The following POLK variants were observed in gnomAD, a reference collection of about 807,000 sequenced individuals.
POLK encodes the protein polymerase (DNA directed) kappa.
POLK carries 76 observed loss-of-function variants against 94.0 expected under a neutral mutation model. The ratio of observed to expected loss-of-function variants is 0.81; its 90% confidence interval spans 0.67 to 0.98. The LOEUF is 0.98. Among genes scored for constraint, POLK ranks in the 50% least tolerant of loss-of-function variants. The probability of loss-of-function intolerance (pLI) is 0.00; values close to 1 mark genes in which losing one functional copy is unlikely to be tolerated. For missense variants in POLK, 954 were observed against 1,010.1 expected, an observed-to-expected ratio of 0.94 and a Z score of 0.75; for synonymous variants, 349 against 325.4, an observed-to-expected ratio of 1.07 and a Z score of -0.78.
intron 10 of POLK, among the ~76,000 whole-genome samples, chr5:75,588,949 C>T (rs1772610212): frequency 6.6e-6 from 1 of 152,190 alleles, no homozygotes; most frequent in South Asian, 2.1e-4. Flanking sequence ...ATACTAGGTT[C>T]ACAGATTCCA....
intron 3 of POLK, among the ~76,000 whole-genome samples, chr5:75,555,762 T>C (rs1005422484): frequency 6.6e-6 from 1 of 152,194 alleles, no homozygotes. Flanking sequence ...TTGGCCAATC[T>C]GGTCTGAAAC....
chr5:75,549,940 A>G (rs1452339492), intron 2 of POLK, among the ~76,000 whole-genome samples: 1 of 152,194 alleles, frequency 6.6e-6, no homozygotes, highest in African/African-American at 2.4e-5. Flanking sequence ...AAGAAGATAC[A>G]GAGAATCTAA....
intron 1 of POLK, among the ~76,000 whole-genome samples, chr5:75,524,572 C>G (rs1400820906): frequency 6.6e-6 from 1 of 151,908 alleles, no homozygotes. Context: ...ACTTCTACTT[C>G]CAGTATGGAG....
At chr5:75,549,197 A>G (rs1017988318) in intron 2 of POLK, among the ~76,000 whole-genome samples, 7 of 152,182 alleles carry the variant, frequency 4.6e-5, no homozygotes, top group African/African-American at 1.7e-4. Context: ...AATAAAACCT[A>G]TGAATCTAGT....
chr5:75,522,615 ATTTCT>A (rs983300598), intron 1 of POLK, among the ~76,000 whole-genome samples: 1 of 152,262 alleles, frequency 6.6e-6, no homozygotes, highest in East Asian at 1.9e-4. Context: ...TATAAAAATG[ATTTCT>A]TTTCCTACTG....
exon 15 of POLK, chr5:75,598,100 T>C (rs578151741): frequency 1.7e-6 from 1 of 602,188 alleles, no homozygotes; most frequent in South Asian, 3.2e-5. Context: ...ATTTTAAGTT[T>C]GCAGATTTAT....
rs1189675461 is a variant in POLK at position 75,547,018 on chromosome 5, A to G, written c.-5A>G. 3 of 1,478,214 alleles carry G rather than the reference A, an allele frequency of 2.0e-6. No individual in the cohort carries two copies. In the South Asian group the frequency reaches 4.1e-5, roughly 20 times the overall value. The allele number at this position is 1,478,214 out of a possible 1,614,324, so 91.6% of individuals were successfully genotyped here. The stretch of plus-strand genomic sequence containing the variant: ...TCTTTATGCTTTTTCAGATAAGTTT[A>G]TACCATGGATAGCACAAAGGAGAAG... On this transcript the variant is annotated 5_prime_UTR_variant, in exon 2 of 15. Coordinates refer to ENST00000241436, the Ensembl canonical transcript of POLK.
intron 1 of POLK, among the ~76,000 whole-genome samples, chr5:75,523,870 C>T (rs1768702569): frequency 6.6e-6 from 1 of 152,130 alleles, no homozygotes; most frequent in African/African-American, 2.4e-5. Context: ...TGGCTTACAC[C>T]TGTAATCCCA....
chr5:75,551,401 C>G (rs547652517), intron 2 of POLK, among the ~76,000 whole-genome samples: 3 of 151,790 alleles, frequency 2.0e-5, no homozygotes, highest in Admixed American at 1.3e-4. Flanking sequence ...ACCCCACCCC[C>G]CAACCTCTTA....
chr5:75,529,704 G>A (rs1346010044), intron 1 of POLK, among the ~76,000 whole-genome samples: 1 of 151,918 alleles, frequency 6.6e-6, no homozygotes. Context: ...GATATGAAAG[G>A]CCAAGTACAC....
chr5:75,511,720 G>T, upstream of POLK: 1 of 1,545,792 alleles, frequency 6.5e-7, no homozygotes, highest in South Asian at 1.2e-5. Context: ...CGTCTGACGC[G>T]ACACGCCGAG....
intron 4 of POLK, among the ~76,000 whole-genome samples, chr5:75,571,073 CAACT>C (rs1771561954): frequency 1.3e-5 from 2 of 152,022 alleles, no homozygotes; most frequent in Non-Finnish European, 2.9e-5. Flanking sequence ...AAAGCTAAAC[CAACT>C]GCTTTTGAAA....
At chr5:75,558,069 G>A (rs1443841430) in intron 3 of POLK, among the ~76,000 whole-genome samples, 1 of 152,158 alleles carries the variant, frequency 6.6e-6, no homozygotes, top group Non-Finnish European at 1.5e-5. Context: ...GATTACAGAT[G>A]TGAGCCAACA....
At chr5:75,544,819 G>A (rs139827338) in intron 1 of POLK, among the ~76,000 whole-genome samples, 23 of 152,108 alleles carry the variant, frequency 1.5e-4, no homozygotes, top group African/African-American at 5.3e-4. Flanking sequence ...GACAATGACA[G>A]GTAATTGGAT....
At chr5:75,591,134 C>A (rs1772759704) in intron 11 of POLK, among the ~76,000 whole-genome samples, 1 of 152,146 alleles carries the variant, frequency 6.6e-6, no homozygotes, top group Admixed American at 6.5e-5. Flanking sequence ...ATCTGTGTTA[C>A]ATACCAGAAT....
chr5:75,576,665 C>T, intron 5 of POLK, 115 bp from the exon 6 acceptor site: 1 of 460,212 alleles, frequency 2.2e-6, no homozygotes. Context: ...CTATTGACTG[C>T]AGGATTGTTA....
At chr5:75,601,735 A>G (rs191586144), downstream of POLK, among the ~76,000 whole-genome samples, 436 of 152,264 alleles carry the variant, frequency 2.9e-3, 5 homozygotes, top group African/African-American at 9.7e-3. Flanking sequence ...TCAGCCACAG[A>G]CTGAAGGGCT....
chr5:75,514,555 G>A (rs906355885), intron 1 of POLK, among the ~76,000 whole-genome samples: 1 of 152,128 alleles, frequency 6.6e-6, no homozygotes, highest in African/African-American at 2.4e-5. Context: ...AATCCTGCAA[G>A]GTAGACATTA....
At position 75,573,718 on chromosome 5, in the gene POLK, T is replaced by C; in HGVS notation, c.409-20T>C. ...ATTTAGGTTTGTGTATTTTTTTCCA[T>C]GTGGTCAATTTTCTTTCAGTCTACT... On this transcript the variant is annotated intron_variant, in intron 4 of 14. Transcript: ENST00000241436. 6.2e-7 allele frequency: 1 copy of C among 1,605,486 alleles called. No individual in the cohort carries two copies. Among genetic ancestry groups the C allele is most frequent in the Non-Finnish European group, 8.5e-7 (1 of 1,172,426 alleles).
Sources: gnomAD v4.1 joint callset for allele counts (sites outside exome capture counted in the v4.1 genomes callset) on GRCh38, gnomAD v4.1.1 for gene constraint, MANE v1.5 for transcripts, NCBI Gene and HGNC (gene_info 2026-07-23, HGNC 2026-07-21) for gene names.